PCM1: variants seen among roughly 807,000 people sequenced by gnomAD.
The protein encoded by PCM1 is pericentriolar material 1 protein.
In PCM1, 157 loss-of-function variants were observed where a neutral mutation model predicts 241.9. The observed-to-expected ratio is 0.65, with a 90% CI of 0.57 to 0.74. The LOEUF is 0.74. Ranked by LOEUF, PCM1 falls within the 30% of genes least tolerant of loss-of-function variation. The pLI is 0.00. For synonymous variants in PCM1, 1,085 were observed against 784.9 expected (o/e 1.38, Z -6.39); for missense variants, 3,478 against 2,360.1 (o/e 1.47, Z -9.81).
chr8:18,010,549 A>G, intron 31 of PCM1, 60 bp from the exon 32 acceptor site: 1 of 1,280,408 alleles, frequency 7.8e-7, no homozygotes. Flanking sequence ...AGACATGAGA[A>G]ATGCTAAATT....
At position 17,989,745 on chromosome 8, in the gene PCM1, A is replaced by G. The variant is rs879213289; in HGVS notation, c.4411-114A>G. ...TTTGGACAGAATACTGAGGAAACTTATGAATATCTTTTAAGTGTACAATTT... is the reference window on the plus strand; with the variant it reads ...TTTGGACAGAATACTGAGGAAACTTGTGAATATCTTTTAAGTGTACAATTT... On this transcript the variant is annotated intron_variant, in intron 26 of 38. Transcript: ENST00000325083. The G allele has an allele frequency of 8.5e-6, 6 of 702,644 alleles. No individual in the cohort carries two copies. In the South Asian group the frequency reaches 9.2e-5, roughly 11 times the overall value. The allele number at this position is 702,644 out of a possible 1,614,324, so 43.5% of individuals were successfully genotyped here.
chr8:17,935,258 A>G (rs1005900763), intron 2 of PCM1, among the ~76,000 whole-genome samples: 1 of 152,212 alleles, frequency 6.6e-6, no homozygotes, highest in Non-Finnish European at 1.5e-5. Flanking sequence ...TTCTGGGTCT[A>G]GCTGTTTATG....
intron 23 of PCM1, among the ~76,000 whole-genome samples, chr8:17,979,133 GAA>G (rs57467397): frequency 1.1e-3 from 93 of 86,292 alleles, no homozygotes; most frequent in African/African-American, 3.1e-3. Context: ...CAAAAGAAAA[GAA>G]AAAAAAAAAA....
At chr8:17,941,121 C>T (rs1176852076) in intron 6 of PCM1, among the ~76,000 whole-genome samples, 1 of 152,050 alleles carries the variant, frequency 6.6e-6, no homozygotes. Flanking sequence ...GAGCCTGATC[C>T]AAACAGTTGT....
At chr8:17,977,187 G>A (rs953687609) in intron 23 of PCM1, among the ~76,000 whole-genome samples, 1 of 152,100 alleles carries the variant, frequency 6.6e-6, no homozygotes, top group African/African-American at 2.4e-5. Context: ...TACCAGTCAT[G>A]TCATTTTACA....
Position 17,964,708 on chromosome 8 carries a change from C to A in PCM1, c.2795C>A (p.Ser932Tyr), listed in dbSNP as rs1443599268. 8.1e-6 allele frequency: 13 copies of A among 1,613,768 alleles called. No individual in the cohort carries two copies. In the East Asian group the frequency reaches 2.9e-4, roughly 36 times the overall value. The change falls in exon 18 of 39, where the codon TCT becomes TAT. Residue 932 changes from serine to tyrosine, a missense_variant. Coordinates refer to ENST00000325083, the MANE Select transcript of PCM1 (RefSeq NM_006197.4). Reference sequence around the variant, plus strand: ...GATGCCAGTTCCAATGATAACTTTTCTGTGTGTCCTTCTAACAGTGTGAAT... The same window carrying A: ...GATGCCAGTTCCAATGATAACTTTTATGTGTGTCCTTCTAACAGTGTGAAT... ...EQDASSNDNF[S>Y]VCPSNSVNHN...
chr8:17,940,023 T>C (rs1212293530), intron 6 of PCM1, 162 bp downstream of exon 6: 3 of 1,466,524 alleles, frequency 2.0e-6, no homozygotes, highest in South Asian at 2.4e-5. Flanking sequence ...GTATGATTTA[T>C]ACCGCTAAAA....
intron 8 of PCM1, among the ~76,000 whole-genome samples, chr8:17,952,765 A>G (rs1372912178): frequency 1.3e-5 from 2 of 152,112 alleles, no homozygotes; most frequent in African/African-American, 2.4e-5. Context: ...CCTCATGGAT[A>G]CTGAGGGATG....
At chr8:17,974,886 C>CACACACAA (rs1340571988) in intron 23 of PCM1, among the ~76,000 whole-genome samples, 3 of 151,822 alleles carry the variant, frequency 2.0e-5, no homozygotes, top group Non-Finnish European at 2.9e-5. Flanking sequence ...CACACACACA[C>CACACACAA]ACACACAAAT....
chr8:17,930,779 C>G (rs928109042), intron 2 of PCM1, among the ~76,000 whole-genome samples: 3 of 151,764 alleles, frequency 2.0e-5, no homozygotes, highest in African/African-American at 4.8e-5. Flanking sequence ...ATTGGGGAGG[C>G]TGAGGCAGGA....
Position 18,014,020 on chromosome 8 carries a change from A to G in PCM1, c.5568A>G (p.Arg1856=). ...AAAGCAAAAATGTCCCATTGGAACGAGAAGCCACTAGTAAAAGTAAGAAAT... is the reference window on the plus strand; with the variant it reads ...AAAGCAAAAATGTCCCATTGGAACGGGAAGCCACTAGTAAAAGTAAGAAAT... ...TAESKNVPLE[R]EATSKNDQNN... Residue 1856 remains arginine (R), a synonymous_variant, in exon 35 of 39, where the codon CGA becomes CGG. Transcript: ENST00000325083. The G allele has an allele frequency of 6.3e-7, 1 of 1,594,326 alleles. No homozygotes were observed. Among genetic ancestry groups the G allele is most frequent in the African/African-American group, 1.3e-5 (1 of 74,262 alleles).
chr8:17,962,902 C>CAA (rs376483193), intron 16 of PCM1, 199 bp from the exon 17 acceptor site: 1,757 of 344,750 alleles, frequency 5.1e-3, no homozygotes, highest in Middle Eastern at 9.0e-3. Flanking sequence ...GACTCTGTCT[C>CAA]AAAAAAAAAA....
intron 26 of PCM1, among the ~76,000 whole-genome samples, chr8:17,989,559 G>C (rs1019945752): frequency 5.3e-5 from 8 of 152,020 alleles, no homozygotes; most frequent in Admixed American, 3.3e-4. Context: ...TGAGAGTATA[G>C]AAATAATGTA....
At chr8:17,959,910 A>C (rs2070859130) in intron 13 of PCM1, 104 bp from the exon 14 acceptor site, 1 of 1,104,924 alleles carries the variant, frequency 9.1e-7, no homozygotes. Context: ...TTACTGCTTT[A>C]ATCTTTTTAT....
rs17635232 is a variant in PCM1 at position 17,943,154 on chromosome 8, T to C, written c.783+3293T>C. On this transcript the variant is annotated intron_variant, in intron 6 of 38. Transcript: ENST00000325083. ...TTACCTAGGACTACACTTTCCCATT[T>C]TGTGGCTATTTTATGGGTTTGTTGT... is the stretch of plus-strand genomic sequence containing the variant. Among the ~76,000 whole-genome samples the C allele has an allele frequency of 4.1e-3, 622 of 151,742 alleles. 5 individuals are homozygous for C. Among genetic ancestry groups the C allele is most frequent in the Admixed American group, 0.026 (391 of 15,226 alleles).
chr8:18,014,072 A>G, intron 35 of PCM1, 36 bp downstream of exon 35: 15 of 1,121,406 alleles, frequency 1.3e-5, no homozygotes, highest in Non-Finnish European at 1.9e-5. Context: ...TTTTAAGATA[A>G]TTTCCTTTAT....
intron 26 of PCM1, among the ~76,000 whole-genome samples, chr8:17,986,472 T>A (rs1223554656): frequency 1.3e-5 from 2 of 149,450 alleles, no homozygotes; most frequent in African/African-American, 4.9e-5. Flanking sequence ...AATCAGGTCT[T>A]TGGGTTAAAA....
At chr8:17,962,803 T>C (rs112891210) in intron 16 of PCM1, 3,837 of 203,584 alleles carry the variant, frequency 0.019, 169 homozygotes, top group African/African-American at 0.087. Context: ...CTCAGGAGGC[T>C]GAGGCAGGAT....
intron 35 of PCM1, among the ~76,000 whole-genome samples, 191 bp from the exon 36 acceptor site, chr8:18,014,393 T>TA (rs34027006): frequency 0.47 from 72,095 of 151,980 alleles, 19,061 homozygotes; most frequent in Non-Finnish European, 0.62. Flanking sequence ...ATCTGAGTCT[T>TA]AAAATGCTCC....
Sources: gnomAD v4.1 joint callset for allele counts (sites outside exome capture counted in the v4.1 genomes callset) on GRCh38, gnomAD v4.1.1 for gene constraint, MANE v1.5 for transcripts, NCBI Gene and HGNC (gene_info 2026-07-23, HGNC 2026-07-21) for gene names.